RNF213: variants seen among roughly 807,000 people sequenced by gnomAD.
RNF213 encodes the protein ring finger protein 213, also known as E3 ubiquitin-protein ligase RNF213.
In RNF213, 341 loss-of-function variants were observed where a neutral mutation model predicts 514.4. The ratio of observed to expected loss-of-function variants is 0.66; its 90% CI spans 0.61 to 0.73. The LOEUF is 0.73. RNF213 is among the 30% of genes least tolerant of loss of function. The pLI is 0.00. For missense variants in RNF213, 5,767 were observed against 6,615.6 expected, an observed-to-expected ratio of 0.87 and a Z score of 4.45; for synonymous variants, 2,655 against 2,658.2, an observed-to-expected ratio of 1.00 and a Z score of 0.04.
Position 80,332,297 on chromosome 17 carries a change from A to G in RNF213, c.3809A>G (p.Glu1270Gly). Residue 1270 changes from glutamate to glycine, a missense_variant, in exon 21 of 68, where the codon GAG becomes GGG. Physicochemically the swap from Glu to Gly is moderately conservative, Grantham distance 98. This residue lies in a region of RNF213 where 516 missense variants were observed against 566.5 expected (regional missense o/e 0.91). Transcript: ENST00000582970. ...PEEESERHIL[E>G]LEEVYDYLYQ... Reference sequence around the variant, plus strand: ...GAAGAATCAGAAAGGCACATCCTTGAGCTTGAAGAGGTGTATGACTATTTG... The same window carrying G: ...GAAGAATCAGAAAGGCACATCCTTGGGCTTGAAGAGGTGTATGACTATTTG... 1.3e-6 allele frequency: 2 copies of G among 1,537,220 alleles called. No individual in the cohort carries two copies. The highest frequency in any genetic ancestry group is 1.2e-5 in the South Asian group (1 of 84,058).
Position 80,325,110 on chromosome 17 carries a change from G to A in RNF213, c.3105G>A (p.Lys1035=). The change falls in exon 18 of 68, where the codon AAG becomes AAA. Residue 1035 remains lysine (K), a synonymous_variant. Coordinates refer to ENST00000582970, the MANE Select transcript of RNF213 (RefSeq NM_001256071.3). ...FGIVLSAVIT[K]SWPRTADNFD... ...TCGTCTTGTCTGCTGTGATCACTAA[G>A]TCCTGGCCTAGGACCGCGGACAACT... The A allele has an allele frequency of 1.3e-6, 2 of 1,537,130 alleles. No individual in the cohort carries two copies. Among genetic ancestry groups the A allele is most frequent in the Non-Finnish European group, 1.7e-6 (2 of 1,146,886 alleles).
rs1296131165 is a variant in RNF213 at position 80,372,704 on chromosome 17, G to A, written c.12721G>A (p.Asp4241Asn). The A allele has an allele frequency of 2.5e-6, 4 of 1,613,846 alleles. No individual in the cohort carries two copies. Among genetic ancestry groups the A allele is most frequent in the South Asian group, 2.2e-5 (2 of 91,078 alleles). Residue 4241 changes from aspartate to asparagine, a missense_variant, in exon 48 of 68, where the codon GAT becomes AAT. Physicochemically the swap from Asp to Asn is conservative, Grantham distance 23. Coordinates refer to ENST00000582970, the MANE Select transcript of RNF213 (RefSeq NM_001256071.3). ...CCGCCTCTGCCTCGACAGAGCTGCAGATTTCCTCTCGGAGCCTGAGGGAGG... is the reference window on the plus strand; with the variant it reads ...CCGCCTCTGCCTCGACAGAGCTGCAAATTTCCTCTCGGAGCCTGAGGGAGG... Reference protein sequence around the residue: ...RIRLCLDRAADFLSEPEGGPE... With the variant: ...RIRLCLDRAANFLSEPEGGPE...
rs2080243193 is a variant in RNF213 at position 80,386,545 on chromosome 17, C to T, written c.14720+115C>T. 1.1e-5 allele frequency: 15 copies of T among 1,403,936 alleles called. No individual in the cohort carries two copies. In the South Asian group the frequency reaches 1.7e-4, roughly 15 times the overall value. 87.0% of individuals were successfully genotyped at this position (1,403,936 alleles called of 1,614,324 possible). On this transcript the variant is annotated intron_variant, in intron 62 of 67. Transcript: ENST00000582970. The stretch of plus-strand genomic sequence containing the variant: ...CCCTAACAGACACTCACTCCTTCAG[C>T]CGCCCCCACCAGTGACCCGCCCCAT...
At chr17:80,278,228 T>C (rs1277463850) in intron 3 of RNF213, among the ~76,000 whole-genome samples, 1 of 152,088 alleles carries the variant, frequency 6.6e-6, no homozygotes, top group Non-Finnish European at 1.5e-5. Flanking sequence ...TGCTGTGAGG[T>C]CTCCCGGCGA....
At chr17:80,358,067 G>A (rs2078900429) in intron 36 of RNF213, among the ~76,000 whole-genome samples, 1 of 152,224 alleles carries the variant, frequency 6.6e-6, no homozygotes, top group Admixed American at 6.5e-5. Context: ...GTAGAATTAA[G>A]TTCCATTCCA....
At chr17:80,272,982 G>A (rs9890733) in intron 2 of RNF213, among the ~76,000 whole-genome samples, 1,997 of 152,224 alleles carry the variant, frequency 0.013, 46 homozygotes, top group African/African-American at 0.042. Flanking sequence ...GTGGACATTG[G>A]GAGGAAGAGG....
intron 3 of RNF213, among the ~76,000 whole-genome samples, chr17:80,280,280 A>G (rs2044212696): frequency 6.6e-6 from 1 of 152,156 alleles, no homozygotes; most frequent in Non-Finnish European, 1.5e-5. Context: ...ATGCGAGGAG[A>G]AGAAGGCTCG....
chr17:80,385,263 G>A, intron 60 of RNF213, 92 bp downstream of exon 60: 1 of 1,501,620 alleles, frequency 6.7e-7, no homozygotes, highest in Non-Finnish European at 9.2e-7. Flanking sequence ...GCGGAGGGGA[G>A]GAGGCGCTGA....
At chr17:80,321,871 A>G (rs1407660459) in intron 17 of RNF213, among the ~76,000 whole-genome samples, 1 of 152,060 alleles carries the variant, frequency 6.6e-6, no homozygotes, top group African/African-American at 2.4e-5. Flanking sequence ...GACTACAGGC[A>G]TGTGCCACCA....
At chr17:80,261,401 C>G (rs914987339) in intron 1 of RNF213, among the ~76,000 whole-genome samples, 1 of 152,216 alleles carries the variant, frequency 6.6e-6, no homozygotes, top group African/African-American at 2.4e-5. Flanking sequence ...AGCGTCCTTC[C>G]GACTTGGCGA....
At position 80,393,671 on chromosome 17, in the gene RNF213, C is replaced by T. The variant is rs1047542910; in HGVS notation, c.*173C>T. 12 of 639,920 alleles carry T rather than the reference C, an allele frequency of 1.9e-5. No homozygotes were observed. The highest frequency in any genetic ancestry group is 3.8e-5 in the South Asian group (2 of 53,116). 39.6% of individuals were successfully genotyped at this position (639,920 alleles called of 1,614,324 possible). ...CCTGAGCTGACAGCTTTTTGAAAGC[C>T]GAGCTGTTTCTGAACCATGTACATA... On this transcript the variant is annotated 3_prime_UTR_variant, in exon 68 of 68. Coordinates refer to ENST00000582970, the MANE Select transcript of RNF213 (RefSeq NM_001256071.3).
intron 2 of RNF213, among the ~76,000 whole-genome samples, chr17:80,268,401 G>T (rs1216960154): frequency 6.6e-6 from 1 of 150,764 alleles, no homozygotes; most frequent in East Asian, 1.9e-4. Flanking sequence ...ATCCCCGGAG[G>T]GACTGCAGGG....
At chr17:80,332,776 C>T (rs1055411455) in intron 21 of RNF213, 145 bp downstream of exon 21, 24 of 905,846 alleles carry the variant, frequency 2.6e-5, no homozygotes, top group Non-Finnish European at 3.7e-5. Flanking sequence ...GTACTTGAGG[C>T]CTGAATATCC....
intron 15 of RNF213, 40 bp downstream of exon 15, chr17:80,313,207 T>C: frequency 1.2e-6 from 2 of 1,612,882 alleles, no homozygotes; most frequent in Non-Finnish European, 1.7e-6. Flanking sequence ...GGGATGTGAC[T>C]GATCGTGATT....
At position 80,345,691 on chromosome 17, in the gene RNF213, C is replaced by G; in HGVS notation, c.7356C>G (p.His2452Gln). The stretch of plus-strand genomic sequence containing the variant: ...ACACCATAAAGCTGGTCAAGGTGCA[C>G]GGAGGAACAACTGCAGACATGATCT... ...NADTIKLVKV[H>Q]GGTTADMIYS... The change falls in exon 29 of 68, where the codon CAC (histidine) becomes CAG (glutamine). Residue 2452 changes from histidine (H) to glutamine (Q), a missense_variant. By Grantham distance (24) the His-to-Gln change is conservative. Coordinates refer to ENST00000582970, the MANE Select transcript of RNF213 (RefSeq NM_001256071.3). This position sits in a 1 kb window ranked among gnomAD's most constrained non-coding sequence, Gnocchi z 6.0. 6.2e-7 allele frequency: 1 copy of G among 1,614,164 alleles called. No homozygotes were observed. The highest frequency in any genetic ancestry group is 8.5e-7 in the Non-Finnish European group (1 of 1,180,036).
chr17:80,389,507 G>C, intron 65 of RNF213, 140 bp downstream of exon 65: 2 of 780,990 alleles, frequency 2.6e-6, no homozygotes, highest in Non-Finnish European at 4.4e-6. Flanking sequence ...TGCTCACCCA[G>C]TCAGTCCAGC....
intron 21 of RNF213, 186 bp from the exon 22 acceptor site, chr17:80,333,919 A>T: frequency 1.6e-6 from 1 of 613,074 alleles, no homozygotes; most frequent in South Asian, 2.0e-5. Flanking sequence ...TTGATCAGGG[A>T]GAAACAGCCA....
chr17:80,290,180 G>C lies in RNF213; in HGVS notation c.1112+343G>C, dbSNP rs78418072. ...GGCCACCTCTTCTTCCTCCATTTTG[G>C]AGGCAGTGAAGAGAGACCTCCATGG... On this transcript the variant is annotated intron_variant, in intron 6 of 67. Transcript: ENST00000582970. 6.6e-5 allele frequency among the ~76,000 whole-genome samples: 10 copies of C among 152,338 alleles called. No homozygotes were observed. In the East Asian group the frequency reaches 1.7e-3, roughly 26 times the overall value.
chr17:80,314,065 A>T (rs1276303140), intron 15 of RNF213, among the ~76,000 whole-genome samples: 1 of 56,666 alleles, frequency 1.8e-5, no homozygotes. Context: ...GAGGTAATGG[A>T]GGTGATGGTG....
Sources: gnomAD v4.1 joint callset for allele counts (sites outside exome capture counted in the v4.1 genomes callset) on GRCh38, gnomAD v4.1.1 for gene constraint, gnomAD v4.1.1 regional missense constraint, Gnocchi (gnomAD v3.1) non-coding constraint, MANE v1.5 for transcripts, NCBI Gene and HGNC (gene_info 2026-07-23, HGNC 2026-07-21) for gene names.